The following PPM1H variants were observed in gnomAD, a reference collection of about 807,000 sequenced individuals.
PPM1H encodes protein phosphatase 1H.
In PPM1H, 27 loss-of-function variants were observed where a neutral mutation model predicts 54.9. That is an observed-to-expected ratio of 0.49 (90% confidence interval 0.36 to 0.68). The LOEUF (loss-of-function observed/expected upper bound fraction) is 0.68, where lower values mean the gene tolerates loss of function less well. Ranked by LOEUF, PPM1H falls within the 30% of genes least tolerant of loss-of-function variation. PPM1H has a pLI of 0.00. For synonymous variants in PPM1H, 305 were observed against 270.8 expected, an observed-to-expected ratio of 1.13 and a Z score of -1.24; for missense variants, 596 against 667.8, an observed-to-expected ratio of 0.89 and a Z score of 1.19.
intron 4 of PPM1H, among the ~76,000 whole-genome samples, chr12:62,754,845 G>A (rs2076461735): frequency 6.6e-6 from 1 of 152,218 alleles, no homozygotes; most frequent in African/African-American, 2.4e-5. Flanking sequence ...CAGTCGAAAT[G>A]TAACAAAATG....
intron 1 of PPM1H, among the ~76,000 whole-genome samples, chr12:62,914,880 C>T (rs1335903872): frequency 6.6e-6 from 1 of 152,132 alleles, no homozygotes; most frequent in African/African-American, 2.4e-5. Flanking sequence ...CCAAACAGTC[C>T]CACAATCTAT....
intron 5 of PPM1H, among the ~76,000 whole-genome samples, chr12:62,736,434 C>G (rs1398273045): frequency 6.6e-6 from 1 of 152,134 alleles, no homozygotes; most frequent in Admixed American, 6.5e-5. Context: ...GACACCACCA[C>G]AAAGGTTAGA....
At chr12:62,879,121 A>C (rs190899660) in intron 1 of PPM1H, among the ~76,000 whole-genome samples, 36 of 152,308 alleles carry the variant, frequency 2.4e-4, no homozygotes, top group African/African-American at 8.7e-4. Flanking sequence ...CTTACCCTCT[A>C]GGTGGGGGCG....
At chr12:62,838,262 C>T (rs1868564493) in intron 1 of PPM1H, among the ~76,000 whole-genome samples, 1 of 149,692 alleles carries the variant, frequency 6.7e-6, no homozygotes, top group Non-Finnish European at 1.5e-5. Context: ...GGACAGGTGT[C>T]TCCTGAGGGC....
chr12:62,713,115 C>A (rs1231269518), intron 6 of PPM1H, among the ~76,000 whole-genome samples: 1 of 152,188 alleles, frequency 6.6e-6, no homozygotes, highest in Non-Finnish European at 1.5e-5. Flanking sequence ...GTGGAACTAT[C>A]TCCAGTGAGT....
chr12:62,719,561 T>C (rs1352318661), intron 6 of PPM1H, among the ~76,000 whole-genome samples: 1 of 152,214 alleles, frequency 6.6e-6, no homozygotes, highest in Non-Finnish European at 1.5e-5. Flanking sequence ...CACTGCTCCA[T>C]CCTAGAAATG....
intron 8 of PPM1H, among the ~76,000 whole-genome samples, chr12:62,675,968 G>A (rs1308328241): frequency 1.3e-5 from 2 of 152,262 alleles, no homozygotes; most frequent in Admixed American, 6.5e-5. Flanking sequence ...AGCTGTTCAA[G>A]TGCAGAATGA....
At chr12:62,705,016 C>T (rs578163535) in intron 6 of PPM1H, among the ~76,000 whole-genome samples, 1 of 152,344 alleles carries the variant, frequency 6.6e-6, no homozygotes, top group East Asian at 1.9e-4. Context: ...ACAGAGATTG[C>T]TCTCATTTTG....
At chr12:62,673,086 CT>C (rs2075965532) in intron 8 of PPM1H, among the ~76,000 whole-genome samples, 1 of 152,200 alleles carries the variant, frequency 6.6e-6, no homozygotes, top group East Asian at 1.9e-4. Flanking sequence ...AAACTCTTTC[CT>C]TTTCTTCCTT....
chr12:62,752,207 G>A (rs2076445856), intron 4 of PPM1H, among the ~76,000 whole-genome samples: 1 of 152,210 alleles, frequency 6.6e-6, no homozygotes, highest in African/African-American at 2.4e-5. Flanking sequence ...ATGAGTATAT[G>A]TATGAAGGGA....
In PPM1H at chr12:62,891,905, T is replaced by A. The variant is rs991790165; in HGVS notation, c.245+42587A>T. On this transcript the variant is annotated intron_variant, in intron 1 of 9. Coordinates refer to ENST00000228705, the MANE Select transcript of PPM1H (RefSeq NM_020700.2). ...ACTACTGAGTCATTTCTTCTTCAGT[T>A]TGGCTGAAGTGTGTGTGTGCATGTG... Among the ~76,000 whole-genome samples the A allele has an allele frequency of 3.9e-5, 6 of 152,196 alleles. 1 individual carries two copies. Among genetic ancestry groups the A allele is most frequent in the Non-Finnish European group, 5.9e-5 (4 of 68,026 alleles).
chr12:62,760,655 A>G (rs534487976), intron 4 of PPM1H, among the ~76,000 whole-genome samples: 1 of 152,348 alleles, frequency 6.6e-6, no homozygotes, highest in East Asian at 1.9e-4. Flanking sequence ...CAAATCAGCC[A>G]GTGTTTAGGC....
At chr12:62,670,000 G>A (rs1310317686) in intron 8 of PPM1H, among the ~76,000 whole-genome samples, 4 of 61,328 alleles carry the variant, frequency 6.5e-5, no homozygotes, top group East Asian at 4.6e-4. Context: ...TTTTTGAGAC[G>A]GAGTTTTGCT....
At chr12:62,738,634 C>T (rs1309533196) in intron 4 of PPM1H, among the ~76,000 whole-genome samples, 1 of 152,086 alleles carries the variant, frequency 6.6e-6, no homozygotes. Context: ...AGAATGTTGC[C>T]ATTTCTACAA....
intron 8 of PPM1H, among the ~76,000 whole-genome samples, chr12:62,679,711 G>A (rs1035295949): frequency 3.9e-5 from 6 of 152,118 alleles, no homozygotes; most frequent in Non-Finnish European, 7.4e-5. Flanking sequence ...ATTGCAACCC[G>A]GCTCCTCCTC....
intron 7 of PPM1H, among the ~76,000 whole-genome samples, chr12:62,690,582 C>A (rs2076077083): frequency 1.3e-5 from 2 of 152,338 alleles, no homozygotes; most frequent in South Asian, 2.1e-4. Context: ...TCCTGTTATG[C>A]TGAAGATCTG....
In PPM1H at chr12:62,693,926, A is replaced by C. The variant is rs774499210; in HGVS notation, c.1137+10T>G. ...TGTCCTCTCTACCCAGGGGAAGCAC[A>C]CGTGCCTACCTTCTTGCCTTCTCCA... is the stretch of plus-strand genomic sequence containing the variant. On this transcript the variant is annotated intron_variant, in intron 7 of 9. Coordinates refer to ENST00000228705, the MANE Select transcript of PPM1H (RefSeq NM_020700.2). 7 of 1,610,400 alleles carry C rather than the reference A, an allele frequency of 4.3e-6. No individual in the cohort carries two copies. The highest frequency in any genetic ancestry group is 5.9e-6 in the Non-Finnish European group (7 of 1,178,324).
At chr12:62,696,107 C>G (rs1192970536) in intron 6 of PPM1H, among the ~76,000 whole-genome samples, 2 of 152,054 alleles carry the variant, frequency 1.3e-5, no homozygotes, top group African/African-American at 4.8e-5. Context: ...TGGGTATTAC[C>G]TAGAGCTTAA....
chr12:62,817,152 T>TAAAAAAAAAAAAAAAAAAAAAAAAAA (rs2076873724), intron 2 of PPM1H, among the ~76,000 whole-genome samples: 2 of 63,144 alleles, frequency 3.2e-5, no homozygotes, highest in Non-Finnish European at 2.9e-5. Context: ...AAAAAAAAAC[T>TAAAAAAAAAAAAAAAAAAAAAAAAAA]AAAAAAAAGA....
Sources: allele counts gnomAD v4.1 joint callset (sites outside exome capture counted in the v4.1 genomes callset), GRCh38; gene constraint gnomAD v4.1.1; transcripts MANE v1.5; gene names NCBI Gene and HGNC (gene_info 2026-07-23, HGNC 2026-07-21).